TAFA2: variants seen among roughly 807,000 people sequenced by gnomAD.
TAFA2 encodes TAFA chemokine like family member 2.
TAFA2 carries 7 observed loss-of-function variants against 18.8 expected under a neutral mutation model. That is an observed-to-expected ratio of 0.37 (90% CI 0.21 to 0.70). The LOEUF (loss-of-function observed/expected upper bound fraction) is 0.70. Among genes scored for constraint, TAFA2 ranks in the 30% least tolerant of loss-of-function variants. The pLI, the probability that TAFA2 is intolerant of heterozygous loss-of-function variation, is 0.53. For missense variants in TAFA2, 122 were observed against 158.1 expected (o/e 0.77, Z 1.23); for synonymous variants, 60 against 54.2 (o/e 1.11, Z -0.47).
chr12:61,912,442 T>C (rs1202006683), intron 1 of TAFA2, among the ~76,000 whole-genome samples: 1 of 152,242 alleles, frequency 6.6e-6, no homozygotes, highest in Non-Finnish European at 1.5e-5. Flanking sequence ...TTTTAAAACA[T>C]GCCTATTAGA....
intron 4 of TAFA2, among the ~76,000 whole-genome samples, chr12:61,730,965 T>A (rs914396194): frequency 1.3e-5 from 2 of 152,082 alleles, no homozygotes; most frequent in Admixed American, 1.3e-4. Context: ...AAATTAGCAC[T>A]CAGTTGAAAT....
At position 62,001,974 on chromosome 12, in the gene TAFA2, AC is replaced by A. The variant is rs957822632; in HGVS notation, c.-1-134549del. Among the ~76,000 whole-genome samples the A allele has an allele frequency of 1.9e-4, 29 of 152,320 alleles. No individual in the cohort carries two copies. The South Asian group carries it at 2.5e-3, about 13-fold the overall frequency. Reference sequence around the variant, plus strand: ...ATGATAATATGAACAAAACAATGTTACCAAAAAACAAAAGCCAGATGGTTTG... The same window carrying A: ...ATGATAATATGAACAAAACAATGTTACAAAAAACAAAAGCCAGATGGTTTG... On this transcript the variant is annotated intron_variant, in intron 1 of 4. Coordinates refer to ENST00000416284, the MANE Select transcript of TAFA2 (RefSeq NM_178539.5).
chr12:62,060,742 T>C (rs1228564724), intron 1 of TAFA2, among the ~76,000 whole-genome samples: 2 of 152,214 alleles, frequency 1.3e-5, no homozygotes, highest in Non-Finnish European at 2.9e-5. Context: ...ACAGTGATAC[T>C]GATGATCCTG....
chr12:62,107,992 CT>C (rs1355504820), intron 1 of TAFA2, among the ~76,000 whole-genome samples: 3 of 151,820 alleles, frequency 2.0e-5, no homozygotes, highest in African/African-American at 7.3e-5. Context: ...CATATAAAAG[CT>C]TTTTTTATAT....
In TAFA2 at chr12:61,897,210, C is replaced by T. The variant is rs925060828; in HGVS notation, c.-1-29784G>A. 3.3e-5 allele frequency among the ~76,000 whole-genome samples: 5 copies of T among 152,104 alleles called. No individual in the cohort carries two copies. The East Asian group carries it at 9.6e-4, about 29-fold the overall frequency. ...CCCATGTAGAGTGGATGTGCAAATC[C>T]TTGAGACAAAATGATGCTGACTGTA... is the stretch of plus-strand genomic sequence containing the variant. On this transcript the variant is annotated intron_variant, in intron 1 of 4. Coordinates refer to ENST00000416284, the MANE Select transcript of TAFA2 (RefSeq NM_178539.5).
intron 1 of TAFA2, among the ~76,000 whole-genome samples, chr12:61,945,998 A>T (rs1878252613): frequency 8.7e-6 from 1 of 114,494 alleles, no homozygotes; most frequent in Non-Finnish European, 1.7e-5. Context: ...CGCATCGCCA[A>T]GTCAATCCTA....
chr12:61,772,794 TG>T (rs1467537402), intron 2 of TAFA2, among the ~76,000 whole-genome samples: 1 of 151,838 alleles, frequency 6.6e-6, no homozygotes, highest in Non-Finnish European at 1.5e-5. Context: ...CCCTGAGAAC[TG>T]GAACAAGAAA....
intron 1 of TAFA2, chr12:62,235,104 G>C: frequency 1.6e-6 from 1 of 631,720 alleles, no homozygotes; most frequent in Non-Finnish European, 3.0e-6. Flanking sequence ...TGGAGTACTG[G>C]CCTCTCCTAC....
At chr12:61,853,835 G>A (rs1873777576) in intron 2 of TAFA2, among the ~76,000 whole-genome samples, 1 of 152,186 alleles carries the variant, frequency 6.6e-6, no homozygotes, top group Non-Finnish European at 1.5e-5. Context: ...TGTAGGCACT[G>A]TACTGAAAAC....
intron 1 of TAFA2, chr12:61,879,738 T>A (rs1195210174): frequency 1.1e-5 from 13 of 1,218,958 alleles, no homozygotes; most frequent in Non-Finnish European, 1.6e-5. Context: ...ATGGACAACA[T>A]GTTCCAGAGC....
At chr12:61,815,448 C>T (rs554510435) in intron 2 of TAFA2, among the ~76,000 whole-genome samples, 38 of 151,198 alleles carry the variant, frequency 2.5e-4, no homozygotes, top group Non-Finnish European at 2.9e-5. Context: ...GGGCGGATCA[C>T]GAGGTCAGGT....
At chr12:62,058,778 C>G (rs530015906) in intron 1 of TAFA2, among the ~76,000 whole-genome samples, 3 of 152,156 alleles carry the variant, frequency 2.0e-5, no homozygotes, top group Non-Finnish European at 2.9e-5. Flanking sequence ...CTAAGCAACA[C>G]AGTGAGACCC....
chr12:61,746,138 G>A (rs1388571114), intron 4 of TAFA2, among the ~76,000 whole-genome samples: 3 of 151,998 alleles, frequency 2.0e-5, no homozygotes, highest in African/African-American at 7.2e-5. Context: ...AGAGGTAAGT[G>A]GATCATGAGG....
chr12:61,836,948 T>C (rs530901010), intron 2 of TAFA2, among the ~76,000 whole-genome samples: 2 of 151,490 alleles, frequency 1.3e-5, no homozygotes, highest in Non-Finnish European at 3.0e-5. Flanking sequence ...TTATCTGTCA[T>C]AAATACTTTT....
chr12:61,988,029 A>T (rs184402911), intron 1 of TAFA2, among the ~76,000 whole-genome samples: 4 of 152,298 alleles, frequency 2.6e-5, no homozygotes, highest in Admixed American at 2.0e-4. Flanking sequence ...TGTGCTGCTG[A>T]TGGATACAGT....
At chr12:62,196,501 T>C (rs2062649767), upstream of TAFA2, among the ~76,000 whole-genome samples, 1 of 152,146 alleles carries the variant, frequency 6.6e-6, no homozygotes, top group African/African-American at 2.4e-5. Flanking sequence ...CAGACCACTG[T>C]AGGGTTATAT....
chr12:62,002,915 C>T (rs11837361), intron 1 of TAFA2, among the ~76,000 whole-genome samples: 40,597 of 152,030 alleles, frequency 0.27, 5,872 homozygotes, highest in Non-Finnish European at 0.33. Flanking sequence ...TGCTTAAACC[C>T]CACAAGTTCT....
chr12:62,173,804 C>T (rs1245757006), intron 1 of TAFA2, among the ~76,000 whole-genome samples: 4 of 152,082 alleles, frequency 2.6e-5, no homozygotes, highest in South Asian at 4.1e-4. Context: ...TGCAGGAAAA[C>T]GGAGAAGAGT....
At chr12:62,147,316 G>GTA (rs1375925311) in intron 1 of TAFA2, among the ~76,000 whole-genome samples, 42 of 45,342 alleles carry the variant, frequency 9.3e-4, no homozygotes, top group African/African-American at 2.7e-3. Context: ...GTGTGTGTGT[G>GTA]TGTATGTATG....
Sources: allele counts gnomAD v4.1 joint callset (sites outside exome capture counted in the v4.1 genomes callset), GRCh38; gene constraint gnomAD v4.1.1; transcripts MANE v1.5; gene names NCBI Gene and HGNC (gene_info 2026-07-23, HGNC 2026-07-21).